The following GNAS variants were observed in gnomAD, a reference collection of about 807,000 sequenced individuals.
GNAS encodes the protein protein ALEX.
In GNAS, 8 loss-of-function variants were observed where a neutral mutation model predicts 54.5. The observed-to-expected ratio is 0.15, with a 90% CI of 0.09 to 0.26. GNAS has a LOEUF of 0.26. Ranked by LOEUF, GNAS falls within the 10% of genes least tolerant of loss-of-function variation. The pLI, the probability that GNAS is intolerant of heterozygous loss-of-function variation, is 1.00. For missense variants in GNAS, 170 were observed against 529.8 expected, an observed-to-expected ratio of 0.32 and a Z score of 6.67; for synonymous variants, 204 against 191.4, an observed-to-expected ratio of 1.07 and a Z score of -0.54.
At position 58,909,620 on chromosome 20, in the gene GNAS, G is replaced by T. The variant is rs989847925; in HGVS notation, c.718+41G>T. The T allele has an allele frequency of 5.6e-6, 9 of 1,614,124 alleles. No individual in the cohort carries two copies. Among genetic ancestry groups the T allele is most frequent in the Non-Finnish European group, 7.6e-6 (9 of 1,179,968 alleles). ...CTTGGCTGTTCGTAAAGAACGCTTT[G>T]CTTCTGTGTTGTTAGGGATCAGGGT... On this transcript the variant is annotated intron_variant, in intron 9 of 12. Transcript: ENST00000371085. The surrounding 1 kb of genome is among the most constrained non-coding windows in gnomAD (Gnocchi z 7.3).
At chr20:58,859,120 C>G (rs2086648631) in intron 1 of GNAS, among the ~76,000 whole-genome samples, 1 of 152,174 alleles carries the variant, frequency 6.6e-6, no homozygotes, top group Non-Finnish European at 1.5e-5. Flanking sequence ...CTGTATGTAT[C>G]CTCCTAACTT....
chr20:58,890,528 C>T (rs1412769084), upstream of GNAS: 1 of 152,290 alleles, frequency 6.6e-6, no homozygotes, highest in East Asian at 1.9e-4. Flanking sequence ...GGGTGCTCAA[C>T]TTCCTGCTGC....
intron 3 of GNAS, among the ~76,000 whole-genome samples, chr20:58,899,702 CAT>C (rs758433038): frequency 6.6e-6 from 1 of 151,796 alleles, no homozygotes; most frequent in Non-Finnish European, 1.5e-5. Flanking sequence ...CACGCACACA[CAT>C]CACACGCACA....
Position 58,891,693 on chromosome 20 carries a change from AGCCCGGCCGCGCCCCGCCGCCGCC to A in GNAS, c.-30_-7del. The A allele has an allele frequency of 8.1e-6, 8 of 984,250 alleles. No individual in the cohort carries two copies. The highest frequency in any genetic ancestry group is 3.8e-5 in the South Asian group (1 of 26,662). 61.0% of individuals were successfully genotyped at this position (984,250 alleles called of 1,614,324 possible). On this transcript the variant is annotated 5_prime_UTR_variant, in exon 1 of 13. Transcript: ENST00000371085. ...GGCCGCCCGCGCCCGCCGCCGCCGCAGCCCGGCCGCGCCCCGCCGCCGCCGCCGCCGCCATGGGCTGCCTCGGGA... is the reference window on the plus strand; with the variant it reads ...GGCCGCCCGCGCCCGCCGCCGCCGCAGCCGCCGCCATGGGCTGCCTCGGGA...
chr20:58,867,247 G>A (rs1421011890), intron 1 of GNAS, among the ~76,000 whole-genome samples: 1 of 152,192 alleles, frequency 6.6e-6, no homozygotes, highest in Non-Finnish European at 1.5e-5. Context: ...TTAAAAGTTG[G>A]ATTGCCAGAA....
In GNAS at chr20:58,866,387, A is replaced by T. The variant is rs187193152; in HGVS notation, c.43+25501A>T. ...GCTAAGCCAATAGAAGTAACAATCC[A>T]AGGACATTTCCTGGTCAAGAGTCTT... On this transcript the variant is annotated intron_variant, in intron 1 of 12. Transcript: ENST00000306090. Among the ~76,000 whole-genome samples, 3 of 152,334 alleles carry T rather than the reference A, an allele frequency of 2.0e-5. No individual in the cohort carries two copies. The East Asian group carries it at 5.8e-4, about 29-fold the overall frequency.
upstream of GNAS, chr20:58,891,223 C>G: frequency 6.7e-6 from 1 of 148,674 alleles, no homozygotes; most frequent in Non-Finnish European, 1.5e-5. Context: ...CCTCCCTCCG[C>G]CGGCTCCCGC....
rs2089344506 is a variant in GNAS, at chr20:58,891,640, G to GCTGCCCCGGCCCTCCCGGCC, written c.-85_-66dup. On this transcript the variant is annotated 5_prime_UTR_variant, in exon 1 of 13. Coordinates refer to ENST00000371085, the MANE Select transcript of GNAS (RefSeq NM_000516.7). ...CCCGCGCCCGGCCCGCCCGCCCGGC[G>GCTGCCCCGGCCCTCCCGGCC]CTGCCCCGGCCCTCCCGGCCCGCGT... 1 of 965,230 alleles carries GCTGCCCCGGCCCTCCCGGCC rather than the reference G, an allele frequency of 1.0e-6. No homozygotes were observed. Among genetic ancestry groups the GCTGCCCCGGCCCTCCCGGCC allele is most frequent in the South Asian group, 4.8e-5 (1 of 20,892 alleles). The allele number at this position is 965,230 out of a possible 1,614,324, so 59.8% of individuals were successfully genotyped here.
upstream of GNAS, chr20:58,889,219 T>TG: frequency 9.8e-7 from 1 of 1,020,014 alleles, no homozygotes; most frequent in Non-Finnish European, 1.2e-6. Context: ...GTCAGGTGGC[T>TG]GGCCGGCGCG....
At chr20:58,895,189 C>G (rs1391438658) in intron 1 of GNAS, 1 of 267,466 alleles carries the variant, frequency 3.7e-6, no homozygotes, top group African/African-American at 2.3e-5. Flanking sequence ...AAACATCTGA[C>G]AACAAATTAT....
Position 58,857,143 on chromosome 20 carries a change from C to T in GNAS, c.43+16257C>T, listed in dbSNP as rs1236963947. 6.6e-6 allele frequency: 1 copy of T among 152,170 alleles called. No homozygotes were observed. The highest frequency in any genetic ancestry group is 1.5e-5 in the Non-Finnish European group (1 of 68,032). 9.4% of individuals were successfully genotyped at this position (152,170 alleles called of 1,614,324 possible). A position where few individuals can be genotyped will look rare whatever the true frequency, so the allele number is the denominator to read the frequency against. The stretch of plus-strand genomic sequence containing the variant: ...GATCACAGTTTTTAAGGCTGCGCTA[C>T]ATTTGTTAAATATGTTAGAATGTGT... On this transcript the variant is annotated intron_variant, in intron 1 of 12. Transcript: ENST00000306090. This position sits in a 1 kb window ranked among gnomAD's most constrained non-coding sequence, Gnocchi z 4.1.
chr20:58,869,004 G>C (rs553679736), intron 1 of GNAS, among the ~76,000 whole-genome samples: 2 of 152,114 alleles, frequency 1.3e-5, no homozygotes. Context: ...CCAAGGACAC[G>C]GCCCCTGCCC....
intron 1 of GNAS, among the ~76,000 whole-genome samples, chr20:58,869,737 C>T (rs138527059): frequency 2.0e-5 from 3 of 152,324 alleles, no homozygotes; most frequent in African/African-American, 4.8e-5. Flanking sequence ...AGTTCTTCCC[C>T]TCCTCAACCC....
At chr20:58,889,501 T>C (rs1327411052), upstream of GNAS, 2 of 246,838 alleles carry the variant, frequency 8.1e-6, no homozygotes, top group Admixed American at 1.3e-4. Flanking sequence ...CTCTCTCTTT[T>C]CTCTTCTCCA....
At chr20:58,842,001 C>T in intron 1 of GNAS, 1 of 893,228 alleles carries the variant, frequency 1.1e-6, no homozygotes, top group Non-Finnish European at 1.5e-6. Context: ...GGCGCCAGTC[C>T]TTGGACGATC....
At chr20:58,889,452 G>T, upstream of GNAS, 1 of 686,732 alleles carries the variant, frequency 1.5e-6, no homozygotes, top group Non-Finnish European at 1.8e-6. Context: ...CCCGGGCGCC[G>T]CTGCCTTGCC....
In GNAS at chr20:58,841,680, A is replaced by C; in HGVS notation, c.43+794A>C. On this transcript the variant is annotated intron_variant, in intron 1 of 12. Coordinates refer to the GNAS transcript ENST00000306090. This position sits in a 1 kb window ranked among gnomAD's most constrained non-coding sequence, Gnocchi z 5.0. ...AGGGGAAAGTACCTGGGGGAAAGGT[A>C]GAGGAGGTAAGGGGACCCTTGGGGA... 1.4e-5 allele frequency: 16 copies of C among 1,162,232 alleles called. No homozygotes were observed. The highest frequency in any genetic ancestry group is 3.9e-5 in the East Asian group (1 of 25,604). 72.0% of individuals were successfully genotyped at this position (1,162,232 alleles called of 1,614,324 possible). A position where few individuals can be genotyped will look rare whatever the true frequency, so the allele number is the denominator to read the frequency against.
In GNAS at chr20:58,840,900, C is replaced by T. The variant is rs1373501209; in HGVS notation, c.43+14C>T. 2 of 1,611,894 alleles carry T rather than the reference C, an allele frequency of 1.2e-6. No homozygotes were observed. The highest frequency in any genetic ancestry group is 1.7e-6 in the Non-Finnish European group (2 of 1,179,520). On this transcript the variant is annotated intron_variant, in intron 1 of 12. Coordinates refer to the GNAS transcript ENST00000306090. This position sits in a 1 kb window ranked among gnomAD's most constrained non-coding sequence, Gnocchi z 6.0. ...TCATGGATTCAGGTTAGTTGCCCACCGCTAAACTGGGGAGCCTGAGGGCGG... is the reference window on the plus strand; with the variant it reads ...TCATGGATTCAGGTTAGTTGCCCACTGCTAAACTGGGGAGCCTGAGGGCGG...
intron 1 of GNAS, among the ~76,000 whole-genome samples, chr20:58,878,914 G>GC (rs572681892): frequency 9.8e-5 from 2 of 20,406 alleles, no homozygotes; most frequent in South Asian, 2.1e-3. Context: ...GGTGCGGGTG[G>GC]GGGGGGGAGG....
Sources: allele counts gnomAD v4.1 joint callset (sites outside exome capture counted in the v4.1 genomes callset), GRCh38; gene constraint gnomAD v4.1.1; non-coding constraint Gnocchi (gnomAD v3.1); transcripts MANE v1.5; gene names NCBI Gene and HGNC (gene_info 2026-07-23, HGNC 2026-07-21).